SLC27A1: variants seen among roughly 807,000 people sequenced by gnomAD.
SLC27A1 encodes long-chain fatty acid transport protein 1.
Under a neutral mutation model 62.2 loss-of-function variants are expected in SLC27A1, and 61 were observed. That is an observed-to-expected ratio of 0.98 (90% CI 0.80 to 1.21). The LOEUF is 1.21. Ranked by LOEUF, SLC27A1 falls within the 50% of genes most tolerant of loss-of-function variation. SLC27A1 has a pLI of 0.00. For missense variants in SLC27A1, 903 were observed against 932.1 expected (o/e 0.97, Z 0.41); for synonymous variants, 435 against 408.6 (o/e 1.06, Z -0.78).
rs368291734 is a variant in SLC27A1, at chr19:17,499,077, A to C, written c.1207-1201A>C. 4.8e-4 allele frequency: 79 copies of C among 165,500 alleles called. 1 individual carries two copies. The highest frequency in any genetic ancestry group is 1.2e-4 in the Non-Finnish European group (9 of 76,288). 10.3% of individuals were successfully genotyped at this position (165,500 alleles called of 1,614,324 possible). On this transcript the variant is annotated intron_variant, in intron 7 of 11. Coordinates refer to ENST00000252595, the MANE Select transcript of SLC27A1 (RefSeq NM_198580.3). ...AAGCCTGACTGATGTCAGGCCCTCC[A>C]CAAGAGGTGGAGGAGTAGAGTCTTC...
chr19:17,476,883 G>GTTTTTTTT (rs71162144), intron 1 of SLC27A1, among the ~76,000 whole-genome samples: 5 of 131,818 alleles, frequency 3.8e-5, no homozygotes, highest in African/African-American at 8.2e-5. Context: ...ATGATCATCT[G>GTTTTTTTT]TTTTTTTTTT....
intron 1 of SLC27A1, 76 bp downstream of exon 1, chr19:17,470,783 T>C: frequency 9.6e-7 from 1 of 1,037,346 alleles, no homozygotes; most frequent in Non-Finnish European, 1.2e-6. Context: ...AGGGCTGGGT[T>C]GCGGGGACGG....
At chr19:17,482,773 CAG>C (rs946920640) in intron 1 of SLC27A1, among the ~76,000 whole-genome samples, 1 of 151,426 alleles carries the variant, frequency 6.6e-6, no homozygotes, top group Non-Finnish European at 1.5e-5. Flanking sequence ...TTTCAAGAAT[CAG>C]AGTTCATGCT....
At position 17,504,960 on chromosome 19, in the gene SLC27A1, T is replaced by C; in HGVS notation, c.*348T>C. ...CGGGCTAGAGTGCAGTGGTGGGATC[T>C]CGGCTCACTGCAACCTCTGCCTCCT... On this transcript the variant is annotated 3_prime_UTR_variant, in exon 12 of 12. Coordinates refer to ENST00000252595, the MANE Select transcript of SLC27A1 (RefSeq NM_198580.3). The C allele has an allele frequency of 4.7e-6, 2 of 428,864 alleles. No homozygotes were observed. The highest frequency in any genetic ancestry group is 3.5e-5 in the South Asian group (2 of 57,898). The allele number at this position is 428,864 out of a possible 1,614,324, so 26.6% of individuals were successfully genotyped here.
chr19:17,505,247 T>C lies in SLC27A1; in HGVS notation c.*635T>C. 4.0e-6 allele frequency: 1 copy of C among 247,946 alleles called. No homozygotes were observed. The highest frequency in any genetic ancestry group is 8.0e-6 in the Non-Finnish European group (1 of 125,268). 15.4% of individuals were successfully genotyped at this position (247,946 alleles called of 1,614,324 possible). A position where few individuals can be genotyped will look rare whatever the true frequency, so the allele number is the denominator to read the frequency against. ...AGTGGAACACGCGTGTCCTGGGAGC[T>C]GCATCTTGTGTAGGGTCCAGCTGCT... On this transcript the variant is annotated 3_prime_UTR_variant, in exon 12 of 12. Coordinates refer to ENST00000252595, the MANE Select transcript of SLC27A1 (RefSeq NM_198580.3).
chr19:17,500,872 T>C lies in SLC27A1; in HGVS notation c.1632T>C (p.Val544=). Residue 544 remains valine, a synonymous_variant, in exon 10 of 12, where the codon GTT becomes GTC. Coordinates refer to ENST00000252595, the MANE Select transcript of SLC27A1 (RefSeq NM_198580.3). Reference sequence around the variant, plus strand: ...ACGTGGCCGTCTATGGGGTGGCTGTTCCAGGCAAGCTGGGGTTGCAGGGGG... The same window carrying C: ...ACGTGGCCGTCTATGGGGTGGCTGTCCCAGGCAAGCTGGGGTTGCAGGGGG... ...QTDVAVYGVA[V]PGVEGKAGMA... is the part of the protein sequence containing the mutation. 6.2e-7 allele frequency: 1 copy of C among 1,606,076 alleles called. No homozygotes were observed. The highest frequency in any genetic ancestry group is 1.1e-5 in the South Asian group (1 of 90,448).
chr19:17,470,522 C>T, upstream of SLC27A1: 1 of 1,532,108 alleles, frequency 6.5e-7, no homozygotes, highest in Non-Finnish European at 8.7e-7. Context: ...GCGGCCTCAG[C>T]TCTCTCTGCT....
At chr19:17,471,646 G>T (rs565232686) in intron 1 of SLC27A1, among the ~76,000 whole-genome samples, 10 of 152,160 alleles carry the variant, frequency 6.6e-5, no homozygotes, top group South Asian at 2.1e-4. Flanking sequence ...ACAGCTCCTT[G>T]TAAGATGGAG....
chr19:17,484,611 GA>G (rs2075210755), intron 1 of SLC27A1, among the ~76,000 whole-genome samples: 1 of 152,044 alleles, frequency 6.6e-6, no homozygotes, highest in Non-Finnish European at 1.5e-5. Flanking sequence ...GTGAAGGGGG[GA>G]AAGAATGAAT....
In SLC27A1 at chr19:17,506,143, T is replaced by C. The variant is rs1272522702; in HGVS notation, c.*1531T>C. The C allele has an allele frequency of 6.6e-6, 1 of 152,162 alleles. No homozygotes were observed. The highest frequency in any genetic ancestry group is 1.5e-5 in the Non-Finnish European group (1 of 68,032). 9.4% of individuals were successfully genotyped at this position (152,162 alleles called of 1,614,324 possible). ...CACTGTGGTTTTATTTCCTAATTGA[T>C]TTAAGAAATAAACCTGAAGACCGTC... is the stretch of plus-strand genomic sequence containing the variant. On this transcript the variant is annotated 3_prime_UTR_variant, in exon 12 of 12. Coordinates refer to ENST00000252595, the MANE Select transcript of SLC27A1 (RefSeq NM_198580.3).
intron 11 of SLC27A1, among the ~76,000 whole-genome samples, chr19:17,501,785 AGAGT>A: frequency 8.1e-6 from 1 of 123,674 alleles, no homozygotes; most frequent in Admixed American, 9.2e-5. Context: ...CCTGGGCGAT[AGAGT>A]GATACTCTGT....
intron 1 of SLC27A1, among the ~76,000 whole-genome samples, chr19:17,472,566 G>A (rs181511692): frequency 6.6e-6 from 1 of 151,854 alleles, no homozygotes; most frequent in Admixed American, 6.6e-5. Flanking sequence ...TCACTCCGTC[G>A]CCCAGGCTGG....
At chr19:17,472,766 G>A (rs2144538202) in intron 1 of SLC27A1, among the ~76,000 whole-genome samples, 1 of 152,066 alleles carries the variant, frequency 6.6e-6, no homozygotes, top group East Asian at 1.9e-4. Context: ...ACATCACGTA[G>A]TCCGCCTGCC....
At chr19:17,501,143 C>T in intron 10 of SLC27A1, 130 bp from the exon 11 acceptor site, 1 of 1,360,426 alleles carries the variant, frequency 7.4e-7, no homozygotes, top group Non-Finnish European at 9.9e-7. Context: ...GTGGCTGCTT[C>T]CATAAATGTC....
chr19:17,502,335 GTTTTTTTTGTTTTT>G (rs1305556037), intron 11 of SLC27A1, among the ~76,000 whole-genome samples: 78 of 75,888 alleles, frequency 1.0e-3, no homozygotes, highest in African/African-American at 2.5e-3. Context: ...CTGAAATAGT[GTTTTTTTTGTTTTT>G]TTTTTTTTTT....
chr19:17,504,617 G>T lies in SLC27A1; in HGVS notation c.*5G>T, dbSNP rs1473348005. The T allele has an allele frequency of 1.9e-6, 3 of 1,614,020 alleles. No individual in the cohort carries two copies. Among genetic ancestry groups the T allele is most frequent in the Non-Finnish European group, 2.5e-6 (3 of 1,180,010 alleles). ...TCGGGCGCCTTCGCCCTCTGAAGCT[G>T]TTCCTCTACTGGCCACAAACTCTGG... On this transcript the variant is annotated 3_prime_UTR_variant, in exon 12 of 12. Coordinates refer to ENST00000252595, the MANE Select transcript of SLC27A1 (RefSeq NM_198580.3).
intron 1 of SLC27A1, among the ~76,000 whole-genome samples, chr19:17,476,950 G>A (rs1410815785): frequency 1.4e-5 from 2 of 147,036 alleles, no homozygotes; most frequent in African/African-American, 5.0e-5. Flanking sequence ...GTGCAGTGGT[G>A]CAATCTTGGC....
chr19:17,476,552 A>G (rs1568410200), intron 1 of SLC27A1, among the ~76,000 whole-genome samples: 2 of 150,968 alleles, frequency 1.3e-5, no homozygotes, highest in African/African-American at 2.5e-5. Flanking sequence ...AAAAAAAAAA[A>G]AAGGAAAAAA....
At chr19:17,481,331 T>C (rs1327862553) in intron 1 of SLC27A1, among the ~76,000 whole-genome samples, 4 of 147,938 alleles carry the variant, frequency 2.7e-5, no homozygotes, top group African/African-American at 1.0e-4. Flanking sequence ...TTTTTTTTTT[T>C]TTTGAGACAG....
Sources: allele counts gnomAD v4.1 joint callset (sites outside exome capture counted in the v4.1 genomes callset), GRCh38; gene constraint gnomAD v4.1.1; transcripts MANE v1.5; gene names NCBI Gene and HGNC (gene_info 2026-07-23, HGNC 2026-07-21).